The following USH2A variants were observed in gnomAD, a reference collection of about 807,000 sequenced individuals.
USH2A encodes Usher syndrome 2A (autosomal recessive, mild).
A neutral mutation model predicts 538.9 loss-of-function variants in USH2A; 443 were observed. The ratio of observed to expected loss-of-function variants is 0.82; its 90% CI spans 0.76 to 0.89. The LOEUF is 0.89. USH2A is among the 40% of genes least tolerant of loss of function. The probability of loss-of-function intolerance (pLI) is 0.00; values close to 1 mark genes in which losing one functional copy is unlikely to be tolerated. For synonymous variants in USH2A, 2,413 were observed against 2,273.5 expected (o/e 1.06, Z -1.75); for missense variants, 6,633 against 6,324.8 (o/e 1.05, Z -1.65).
At chr1:215,818,777 ACTTG>A (rs1341834117) in intron 47 of USH2A, among the ~76,000 whole-genome samples, 1 of 151,802 alleles carries the variant, frequency 6.6e-6, no homozygotes, top group Non-Finnish European at 1.5e-5. Context: ...ACTTAGGTCT[ACTTG>A]CCAGAAAAAT....
chr1:216,245,617 T>C (rs1436449764), intron 13 of USH2A, among the ~76,000 whole-genome samples: 1 of 152,036 alleles, frequency 6.6e-6, no homozygotes, highest in Non-Finnish European at 1.5e-5. Flanking sequence ...TATAATATAG[T>C]CTCCATTTAT....
chr1:215,754,551 C>T (rs908134571), intron 58 of USH2A, among the ~76,000 whole-genome samples: 1 of 152,020 alleles, frequency 6.6e-6, no homozygotes, highest in African/African-American at 2.4e-5. Context: ...TACAATTTAG[C>T]CAGTATTTTG....
intron 43 of USH2A, among the ~76,000 whole-genome samples, chr1:215,876,195 A>T: frequency 6.6e-6 from 1 of 152,230 alleles, no homozygotes; most frequent in South Asian, 2.1e-4. Context: ...AGTAGTTGAG[A>T]ATAGTATAAT....
At chr1:215,761,086 C>T (rs980226372) in intron 56 of USH2A, among the ~76,000 whole-genome samples, 10 of 152,178 alleles carry the variant, frequency 6.6e-5, no homozygotes, top group African/African-American at 2.2e-4. Flanking sequence ...ATACCAGATT[C>T]CTTTCTATCC....
chr1:216,102,661 G>A (rs1054717500), intron 21 of USH2A, among the ~76,000 whole-genome samples: 1 of 152,090 alleles, frequency 6.6e-6, no homozygotes, highest in East Asian at 1.9e-4. Flanking sequence ...TTAGCCGGGC[G>A]TCGTGGCGGG....
At chr1:216,207,068 A>G (rs1214230206) in intron 16 of USH2A, among the ~76,000 whole-genome samples, 1 of 152,052 alleles carries the variant, frequency 6.6e-6, no homozygotes, top group Non-Finnish European at 1.5e-5. Context: ...AGAATGTGAT[A>G]AGCATTAGTA....
chr1:216,207,045 T>G (rs935627083), intron 16 of USH2A, among the ~76,000 whole-genome samples: 1 of 152,140 alleles, frequency 6.6e-6, no homozygotes, highest in Non-Finnish European at 1.5e-5. Context: ...GGGTCATTTT[T>G]TTTTCATCTT....
chr1:215,721,068 T>TTTG (rs112361475), intron 61 of USH2A, among the ~76,000 whole-genome samples: 5,441 of 151,794 alleles, frequency 0.036, 301 homozygotes, highest in African/African-American at 0.12. Context: ...GACTGGAGTT[T>TTTG]TTGTTGTTGT....
chr1:216,083,773 A>G (rs1283175138), intron 25 of USH2A, among the ~76,000 whole-genome samples, 187 bp from the exon 26 acceptor site: 2 of 152,116 alleles, frequency 1.3e-5, no homozygotes, highest in East Asian at 3.9e-4. Flanking sequence ...ATATACTAAG[A>G]AAGACTTTGA....
In USH2A at chr1:215,801,994, A is replaced by G. The variant is rs184844266; in HGVS notation, c.9740-2869T>C. Among the ~76,000 whole-genome samples, 4 of 151,482 alleles carry G rather than the reference A, an allele frequency of 2.6e-5. No individual in the cohort carries two copies. The East Asian group carries it at 7.8e-4, about 29-fold the overall frequency. On this transcript the variant is annotated intron_variant, in intron 49 of 71. Coordinates refer to ENST00000307340, the MANE Select transcript of USH2A (RefSeq NM_206933.4). ...TATATGGGCAAATGATTTTCAACAAAAGTGCCAAGACCATTTAATGAGGAA... is the reference window on the plus strand; with the variant it reads ...TATATGGGCAAATGATTTTCAACAAGAGTGCCAAGACCATTTAATGAGGAA...
At chr1:216,050,608 T>C (rs34576646) in intron 30 of USH2A, among the ~76,000 whole-genome samples, 471 of 18,426 alleles carry the variant, frequency 0.026, 18 homozygotes, top group East Asian at 0.047. Context: ...TTCTTTCTTT[T>C]TTTTTTTTTT....
intron 3 of USH2A, among the ~76,000 whole-genome samples, chr1:216,398,298 AAATTAGG>A (rs1473414475): frequency 6.6e-6 from 1 of 152,136 alleles, no homozygotes; most frequent in African/African-American, 2.4e-5. Flanking sequence ...AGAAGAAAAA[AAATTAGG>A]AATCTGAGGA....
intron 30 of USH2A, among the ~76,000 whole-genome samples, chr1:216,067,356 G>A (rs1250025102): frequency 6.6e-6 from 1 of 151,898 alleles, no homozygotes; most frequent in Non-Finnish European, 1.5e-5. Context: ...CCTGGCACAT[G>A]TATACCTATG....
intron 61 of USH2A, among the ~76,000 whole-genome samples, chr1:215,715,268 T>A (rs553362370): frequency 6.6e-6 from 1 of 152,332 alleles, no homozygotes; most frequent in African/African-American, 2.4e-5. Context: ...GTTAGTTTGC[T>A]GAGGATAGAA....
chr1:215,647,695 T>G lies in USH2A; in HGVS notation c.14618A>C (p.Asp4873Ala). 6.2e-7 allele frequency: 1 copy of G among 1,614,114 alleles called. No homozygotes were observed. Among genetic ancestry groups the G allele is most frequent in the East Asian group, 2.2e-5 (1 of 44,888 alleles). ...GCTGGGAGTACAGGGGAGGGCTGAGTCAGGAGGGCAAGCCACGTGGAATTG... is the reference window on the plus strand; with the variant it reads ...GCTGGGAGTACAGGGGAGGGCTGAGGCAGGAGGGCAAGCCACGTGGAATTG... ...ELQFHVACPP[D>A]SALPCTPSQI... is the part of the protein sequence containing the mutation. Residue 4873 changes from aspartate (D) to alanine (A), a missense_variant, in exon 67 of 72, where the codon GAC becomes GCC. Transcript: ENST00000307340.
intron 61 of USH2A, among the ~76,000 whole-genome samples, chr1:215,716,067 C>A (rs1256367321): frequency 6.6e-6 from 1 of 152,154 alleles, no homozygotes; most frequent in East Asian, 1.9e-4. Flanking sequence ...TGAAGGAATT[C>A]GAACAGCAGC....
At chr1:216,406,625 T>C (rs909185683) in intron 3 of USH2A, among the ~76,000 whole-genome samples, 2 of 152,208 alleles carry the variant, frequency 1.3e-5, no homozygotes, top group East Asian at 3.9e-4. Flanking sequence ...AAATGCATCT[T>C]GCCACCTACC....
intron 15 of USH2A, among the ~76,000 whole-genome samples, chr1:216,211,487 C>A (rs2035240224): frequency 6.6e-6 from 1 of 152,140 alleles, no homozygotes; most frequent in African/African-American, 2.4e-5. Flanking sequence ...TTTTATTCTG[C>A]ACAGCACTGA....
chr1:216,154,200 T>C (rs1180518870), intron 21 of USH2A, among the ~76,000 whole-genome samples: 1 of 152,186 alleles, frequency 6.6e-6, no homozygotes, highest in Non-Finnish European at 1.5e-5. Context: ...GTGAATGAGA[T>C]CAAAAGAAAC....
Sources: allele counts gnomAD v4.1 joint callset (sites outside exome capture counted in the v4.1 genomes callset), GRCh38; gene constraint gnomAD v4.1.1; transcripts MANE v1.5; gene names NCBI Gene and HGNC (gene_info 2026-07-23, HGNC 2026-07-21).